Variants in DNAJC1 observed in about 807,000 individuals in gnomAD.
DNAJC1 encodes dnaJ homolog subfamily C member 1.
A neutral mutation model predicts 76.6 loss-of-function variants in DNAJC1; 58 were observed. The ratio of observed to expected loss-of-function variants is 0.76; its 90% CI spans 0.61 to 0.94. The LOEUF (loss-of-function observed/expected upper bound fraction) is 0.94, where lower values mean the gene tolerates loss of function less well. Among genes scored for constraint, DNAJC1 ranks in the 40% least tolerant of loss-of-function variants. DNAJC1 has a pLI of 0.00. For synonymous variants in DNAJC1, 258 were observed against 267.9 expected, an observed-to-expected ratio of 0.96 and a Z score of 0.36; for missense variants, 689 against 677.3, an observed-to-expected ratio of 1.02 and a Z score of -0.19.
intron 10 of DNAJC1, among the ~76,000 whole-genome samples, chr10:21,766,045 A>G (rs1834296528): frequency 6.6e-6 from 1 of 152,104 alleles, no homozygotes; most frequent in African/African-American, 2.4e-5. Context: ...TACTTATTTA[A>G]CCTTATTAAT....
At chr10:21,781,346 A>C (rs1428472699) in intron 9 of DNAJC1, among the ~76,000 whole-genome samples, 2 of 152,168 alleles carry the variant, frequency 1.3e-5, no homozygotes, top group African/African-American at 4.8e-5. Context: ...GAAGTAAAGC[A>C]CTCCTCAGCA....
At chr10:21,912,902 T>C (rs935606956) in intron 6 of DNAJC1, among the ~76,000 whole-genome samples, 5 of 151,790 alleles carry the variant, frequency 3.3e-5, no homozygotes, top group South Asian at 2.1e-4. Flanking sequence ...GTAGTCTCCA[T>C]GGGAGAAGCA....
intron 6 of DNAJC1, among the ~76,000 whole-genome samples, chr10:21,911,180 C>T (rs1317254140): frequency 1.3e-5 from 2 of 151,736 alleles, no homozygotes; most frequent in Non-Finnish European, 1.5e-5. Context: ...GAATAAGGAA[C>T]GTGGAAGAGC....
chr10:21,861,942 G>C (rs1835921723), intron 8 of DNAJC1, among the ~76,000 whole-genome samples: 2 of 151,734 alleles, frequency 1.3e-5, no homozygotes, highest in African/African-American at 4.8e-5. Flanking sequence ...TTTTGAGATG[G>C]AGTTTCCCTC....
intron 1 of DNAJC1, among the ~76,000 whole-genome samples, chr10:21,942,602 C>A (rs1238209135): frequency 6.6e-6 from 1 of 151,746 alleles, no homozygotes; most frequent in Non-Finnish European, 1.5e-5. Flanking sequence ...GTAAGGAGAT[C>A]GAGACCTTCC....
At chr10:21,848,575 A>T (rs1835698614) in intron 8 of DNAJC1, among the ~76,000 whole-genome samples, 1 of 152,216 alleles carries the variant, frequency 6.6e-6, no homozygotes, top group South Asian at 2.1e-4. Flanking sequence ...TGGATAGAAC[A>T]TCTAGAAAGA....
At chr10:21,862,209 C>A (rs932442352) in intron 8 of DNAJC1, among the ~76,000 whole-genome samples, 2 of 151,664 alleles carry the variant, frequency 1.3e-5, no homozygotes, top group African/African-American at 4.8e-5. Context: ...TGAGCCACCG[C>A]ACCCAGCCCT....
intron 1 of DNAJC1, among the ~76,000 whole-genome samples, chr10:21,977,752 A>G (rs1385384195): frequency 6.6e-6 from 1 of 152,216 alleles, no homozygotes; most frequent in Non-Finnish European, 1.5e-5. Flanking sequence ...AACCCTGCAT[A>G]TGAACATTAT....
intron 8 of DNAJC1, among the ~76,000 whole-genome samples, chr10:21,858,906 T>A (rs537679683): frequency 1.3e-5 from 2 of 152,214 alleles, no homozygotes; most frequent in Non-Finnish European, 2.9e-5. Flanking sequence ...ATTTGAATGA[T>A]TGTTTCCACA....
chr10:21,904,020 G>C (rs570724662), intron 7 of DNAJC1, among the ~76,000 whole-genome samples: 2 of 152,220 alleles, frequency 1.3e-5, no homozygotes, highest in South Asian at 4.1e-4. Flanking sequence ...AAATCAGCAA[G>C]AACTGTCTTT....
chr10:21,886,305 C>A (rs1836365750), intron 7 of DNAJC1, among the ~76,000 whole-genome samples: 2 of 152,044 alleles, frequency 1.3e-5, no homozygotes, highest in Admixed American at 6.6e-5. Context: ...CTTGAATAGA[C>A]CAATAATGAG....
At chr10:21,935,511 A>G (rs1373538986) in intron 1 of DNAJC1, among the ~76,000 whole-genome samples, 1 of 152,152 alleles carries the variant, frequency 6.6e-6, no homozygotes. Flanking sequence ...GTACCAACAA[A>G]CACATAATGG....
At chr10:21,802,787 G>T (rs994195021) in intron 9 of DNAJC1, among the ~76,000 whole-genome samples, 3 of 152,062 alleles carry the variant, frequency 2.0e-5, no homozygotes, top group African/African-American at 7.2e-5. Flanking sequence ...GAAATCTGGG[G>T]CCCCCTGACC....
chr10:21,955,155 CAG>C (rs1482907602), intron 1 of DNAJC1, among the ~76,000 whole-genome samples: 1 of 152,174 alleles, frequency 6.6e-6, no homozygotes, highest in Admixed American at 6.5e-5. Flanking sequence ...GCCCCCAGTT[CAG>C]AATCACTGAT....
chr10:21,873,905 C>G (rs1441994890), intron 8 of DNAJC1, among the ~76,000 whole-genome samples: 1 of 152,086 alleles, frequency 6.6e-6, no homozygotes, highest in Non-Finnish European at 1.5e-5. Context: ...AGTTTTTGTA[C>G]TTTTTAAAAT....
At chr10:21,768,320 T>C (rs1418501874) in intron 9 of DNAJC1, among the ~76,000 whole-genome samples, 2 of 152,210 alleles carry the variant, frequency 1.3e-5, no homozygotes, top group Non-Finnish European at 2.9e-5. Context: ...ATGGCTTTAA[T>C]GAAATTTGAA....
intron 8 of DNAJC1, among the ~76,000 whole-genome samples, chr10:21,847,580 C>T (rs920447569): frequency 1.3e-5 from 2 of 152,142 alleles, no homozygotes; most frequent in African/African-American, 4.8e-5. Context: ...AGCCTCTCTT[C>T]ATCATCCCTC....
chr10:21,872,115 C>T (rs1301195663), intron 8 of DNAJC1, among the ~76,000 whole-genome samples: 1 of 150,140 alleles, frequency 6.7e-6, no homozygotes, highest in African/African-American at 2.5e-5. Context: ...ACTCTGTTGC[C>T]CAGGCTGGAG....
intron 8 of DNAJC1, among the ~76,000 whole-genome samples, chr10:21,845,002 A>T (rs1027498607): frequency 6.6e-6 from 1 of 152,122 alleles, no homozygotes; most frequent in Non-Finnish European, 1.5e-5. Context: ...ATGCCAATGC[A>T]CTCCAGCCTG....
Sources: allele counts gnomAD v4.1 joint callset (sites outside exome capture counted in the v4.1 genomes callset), GRCh38; gene constraint gnomAD v4.1.1; transcripts MANE v1.5; gene names NCBI Gene and HGNC (gene_info 2026-07-23, HGNC 2026-07-21).